Variants in AKAP13 observed in about 807,000 individuals in gnomAD.
AKAP13 encodes the protein A-kinase anchoring protein 13.
In AKAP13, 80 loss-of-function variants were observed where a neutral mutation model predicts 264.5. The observed-to-expected ratio is 0.30, with a 90% confidence interval of 0.25 to 0.36. The LOEUF (loss-of-function observed/expected upper bound fraction) is 0.36, where lower values mean the gene tolerates loss of function less well. Among genes scored for constraint, AKAP13 ranks in the 10% least tolerant of loss-of-function variants. AKAP13 has a pLI of 1.00. For synonymous variants in AKAP13, 1,380 were observed against 1,250.2 expected (o/e 1.10, Z -2.19); for missense variants, 3,712 against 3,435.2 (o/e 1.08, Z -2.01).
intron 2 of AKAP13, among the ~76,000 whole-genome samples, chr15:85,521,207 A>G (rs1275729118): frequency 6.6e-6 from 1 of 152,244 alleles, no homozygotes; most frequent in Non-Finnish European, 1.5e-5. Flanking sequence ...AAGTTTAAAG[A>G]AGAGAGAGCG....
At chr15:85,596,270 C>T (rs1322727935) in intron 8 of AKAP13, among the ~76,000 whole-genome samples, 2 of 152,126 alleles carry the variant, frequency 1.3e-5, no homozygotes, top group Middle Eastern at 3.2e-3. Flanking sequence ...GGCATTTGCT[C>T]CTGACTGAGT....
At chr15:85,396,401 T>C (rs1014613884) in intron 1 of AKAP13, among the ~76,000 whole-genome samples, 2 of 152,188 alleles carry the variant, frequency 1.3e-5, no homozygotes, top group Non-Finnish European at 2.9e-5. Flanking sequence ...AAATTATGAT[T>C]GTAAAACATG....
intron 33 of AKAP13, among the ~76,000 whole-genome samples, chr15:85,737,462 T>C (rs1160148308): frequency 1.3e-5 from 2 of 152,224 alleles, no homozygotes; most frequent in Non-Finnish European, 2.9e-5. Flanking sequence ...TTGACTGTGT[T>C]TCTTCTTTTT....
intron 3 of AKAP13, among the ~76,000 whole-genome samples, chr15:85,533,323 A>G (rs1238475600): frequency 3.9e-5 from 6 of 152,220 alleles, no homozygotes; most frequent in African/African-American, 7.2e-5. Flanking sequence ...TCCAGATACC[A>G]TGTTATAGGC....
Position 85,718,246 on chromosome 15 carries a change from G to T in AKAP13, c.6001+87G>T, listed in dbSNP as rs1005591690. On this transcript the variant is annotated intron_variant, in intron 22 of 36. Transcript: ENST00000394518. The surrounding 1 kb of genome is among the most constrained non-coding windows in gnomAD (Gnocchi z 4.9). The stretch of plus-strand genomic sequence containing the variant: ...TAATTTGTTGGACTATGAAAAATCA[G>T]TTTTTTAGTATGTGGCTTCTTGAAA... 7.3e-5 allele frequency: 110 copies of T among 1,501,984 alleles called. No individual in the cohort carries two copies. Among genetic ancestry groups the T allele is most frequent in the Non-Finnish European group, 7.0e-5 (77 of 1,104,212 alleles). 93.0% of individuals were successfully genotyped at this position (1,501,984 alleles called of 1,614,324 possible). A position where few individuals can be genotyped will look rare whatever the true frequency, so the allele number is the denominator to read the frequency against.
Position 85,744,751 on chromosome 15 carries a change from C to A in AKAP13, c.*74C>A. On this transcript the variant is annotated 3_prime_UTR_variant, in exon 37 of 37. Transcript: ENST00000394518. ...ACCTCTCCTGCTGTCCCCGCGTGCACAAGTCTCTTACACTGGACGCCCACT... is the reference window on the plus strand; with the variant it reads ...ACCTCTCCTGCTGTCCCCGCGTGCAAAAGTCTCTTACACTGGACGCCCACT... The A allele has an allele frequency of 7.0e-7, 1 of 1,421,124 alleles. No homozygotes were observed. The highest frequency in any genetic ancestry group is 1.4e-5 in the African/African-American group (1 of 69,834). The allele number at this position is 1,421,124 out of a possible 1,614,324, so 88.0% of individuals were successfully genotyped here. A position where few individuals can be genotyped will look rare whatever the true frequency, so the allele number is the denominator to read the frequency against.
intron 1 of AKAP13, among the ~76,000 whole-genome samples, chr15:85,454,415 C>T (rs8024297): frequency 0.019 from 2,868 of 152,172 alleles, 88 homozygotes; most frequent in African/African-American, 0.065. Context: ...TTCCCTGAGT[C>T]GGGGAGGAAC....
At chr15:85,589,211 G>C (rs531429693) in intron 8 of AKAP13, among the ~76,000 whole-genome samples, 1 of 152,248 alleles carries the variant, frequency 6.6e-6, no homozygotes, top group African/African-American at 2.4e-5. Flanking sequence ...TCACTGGATG[G>C]GGAAAGAGAG....
At chr15:85,624,156 A>G (rs2081308003) in intron 8 of AKAP13, among the ~76,000 whole-genome samples, 1 of 152,218 alleles carries the variant, frequency 6.6e-6, no homozygotes, top group Non-Finnish European at 1.5e-5. Context: ...TGTTTTACTA[A>G]TTTTATAACT....
At chr15:85,452,036 T>G (rs937493157) in intron 1 of AKAP13, among the ~76,000 whole-genome samples, 1 of 152,150 alleles carries the variant, frequency 6.6e-6, no homozygotes, top group African/African-American at 2.4e-5. Flanking sequence ...TTACATAATT[T>G]CTCGGAGGTT....
In AKAP13 at chr15:85,664,682, T is replaced by A. The variant is rs759862629; in HGVS notation, c.4919T>A (p.Val1640Asp). The change falls in exon 13 of 37, where the codon GTT becomes GAT. Residue 1640 changes from valine (V) to aspartate (D), a missense_variant. This residue lies in a region of AKAP13 where 2,759 missense variants were observed against 2,411.7 expected (regional missense o/e 1.14). Coordinates refer to ENST00000394518, the MANE Select transcript of AKAP13 (RefSeq NM_007200.5). ...CACCCATTCAGTGGTGAGGAACGGGTTGACTCTTTGGTGTCACTTTCAGAA... is the reference window on the plus strand; with the variant it reads ...CACCCATTCAGTGGTGAGGAACGGGATGACTCTTTGGTGTCACTTTCAGAA... Reference protein sequence around the residue: ...LRHPFSGEERVDSLVSLSEED... With the variant: ...LRHPFSGEERDDSLVSLSEED... The A allele has an allele frequency of 2.5e-6, 4 of 1,614,114 alleles. No homozygotes were observed. Among genetic ancestry groups the A allele is most frequent in the Non-Finnish European group, 3.4e-6 (4 of 1,179,972 alleles).
chr15:85,685,887 A>G (rs888145408), intron 16 of AKAP13, among the ~76,000 whole-genome samples: 4 of 152,210 alleles, frequency 2.6e-5, no homozygotes, highest in Non-Finnish European at 4.4e-5. Flanking sequence ...CCCCGCTTAG[A>G]GATAACTACA....
intron 1 of AKAP13, chr15:85,415,163 T>G (rs2150882036): frequency 1.1e-6 from 1 of 904,872 alleles, no homozygotes; most frequent in Middle Eastern, 3.3e-4. Flanking sequence ...AAAAATGAGA[T>G]GTGACAGCAC....
chr15:85,725,948 A>C (rs1265586227), intron 26 of AKAP13, among the ~76,000 whole-genome samples: 2 of 152,172 alleles, frequency 1.3e-5, no homozygotes, highest in Non-Finnish European at 2.9e-5. Context: ...TCTATACTTC[A>C]TCTTTGGGCA....
chr15:85,735,655 G>A (rs775240576), intron 32 of AKAP13, 25 bp downstream of exon 32: 1 of 1,596,920 alleles, frequency 6.3e-7, no homozygotes, highest in Non-Finnish European at 8.5e-7. Flanking sequence ...AATACACCAT[G>A]AACCTCCTTG....
In AKAP13 at chr15:85,744,624, C is replaced by T. The variant is rs1382266093; in HGVS notation, c.8393-4C>T. 6.2e-7 allele frequency: 1 copy of T among 1,613,940 alleles called. No homozygotes were observed. Among genetic ancestry groups the T allele is most frequent in the Admixed American group, 1.7e-5 (1 of 60,014 alleles). On this transcript the variant is annotated splice_polypyrimidine_tract_variant and splice_region_variant and intron_variant, in intron 36 of 36. Coordinates refer to ENST00000394518, the MANE Select transcript of AKAP13 (RefSeq NM_007200.5). The stretch of plus-strand genomic sequence containing the variant: ...TTTTTCATTCTTGGTTTTCACATTT[C>T]CAGATGGTCCCGCGTCAGAAGTATC...
intron 8 of AKAP13, among the ~76,000 whole-genome samples, chr15:85,586,096 G>C (rs1315584859): frequency 6.6e-6 from 1 of 152,106 alleles, no homozygotes; most frequent in Non-Finnish European, 1.5e-5. Context: ...AAGGCTTTAA[G>C]ATTTGTCAGT....
chr15:85,598,051 C>T (rs371329999), intron 8 of AKAP13, among the ~76,000 whole-genome samples: 5 of 152,148 alleles, frequency 3.3e-5, no homozygotes, highest in Admixed American at 2.0e-4. Context: ...AGGAAAATGT[C>T]GTATGTTCAG....
Position 85,743,509 on chromosome 15 carries a change from C to A in AKAP13, c.8076C>A (p.Thr2692=). The change falls in exon 36 of 37, where the codon ACC becomes ACA. Residue 2692 remains threonine, a synonymous_variant. Transcript: ENST00000394518. The stretch of plus-strand genomic sequence containing the variant: ...ATGTACAGGTTTCCCATCCACATAC[C>A]AAGCTGATGAGGATCCCATCGTTCT... ...RDLCQVSHPH[T]KLMRIPSFFP... 5.6e-6 allele frequency: 9 copies of A among 1,613,880 alleles called. No homozygotes were observed. Among genetic ancestry groups the A allele is most frequent in the Non-Finnish European group, 7.6e-6 (9 of 1,179,822 alleles).
Sources: gnomAD v4.1 joint callset for allele counts (sites outside exome capture counted in the v4.1 genomes callset) on GRCh38, gnomAD v4.1.1 for gene constraint, gnomAD v4.1.1 regional missense constraint, Gnocchi (gnomAD v3.1) non-coding constraint, MANE v1.5 for transcripts, NCBI Gene and HGNC (gene_info 2026-07-23, HGNC 2026-07-21) for gene names.